SMOC2: variants seen among roughly 807,000 people sequenced by gnomAD.
SMOC2 encodes the protein SPARC-related modular calcium-binding protein 2.
Under a neutral mutation model 61.4 loss-of-function variants are expected in SMOC2, and 39 were observed. That is an observed-to-expected ratio of 0.64 (90% CI 0.49 to 0.83). The LOEUF (loss-of-function observed/expected upper bound fraction) is 0.83, where lower values mean the gene tolerates loss of function less well. Among genes scored for constraint, SMOC2 ranks in the 40% least tolerant of loss-of-function variants. The probability of loss-of-function intolerance (pLI) is 0.00; values close to 1 mark genes in which losing one functional copy is unlikely to be tolerated. For synonymous variants in SMOC2, 247 were observed against 239.9 expected, an observed-to-expected ratio of 1.03 and a Z score of -0.27; for missense variants, 556 against 592.9, an observed-to-expected ratio of 0.94 and a Z score of 0.65.
At chr6:168,539,434 C>T (rs1384480444) in intron 4 of SMOC2, among the ~76,000 whole-genome samples, 1 of 152,192 alleles carries the variant, frequency 6.6e-6, no homozygotes, top group East Asian at 1.9e-4. Flanking sequence ...CTTTTCCACC[C>T]TTCTCACCAC....
intron 1 of SMOC2, among the ~76,000 whole-genome samples, chr6:168,464,315 TCTC>T (rs750692874): frequency 3.3e-5 from 5 of 151,162 alleles, no homozygotes. Context: ...AGGAAGGAAA[TCTC>T]CTTCCACTTG....
rs1447529172 is a variant in SMOC2, at chr6:168,666,358, C to T, written c.1324-63C>T. On this transcript the variant is annotated intron_variant, in intron 12 of 12. Transcript: ENST00000356284. ...TCATTCCCAGAAGCCAAGCCTTAGT[C>T]TTCACAGATGAGCGACACACACCTC... The T allele has an allele frequency of 1.9e-6, 3 of 1,604,946 alleles. No individual in the cohort carries two copies. The African/African-American group carries it at 4.0e-5, about 21-fold the overall frequency.
In SMOC2 at chr6:168,591,900, CT is replaced by C. The variant is rs1270418612; in HGVS notation, c.638-6911del. ...GGGATTTTGTAATCATTCATTATTA[CT>C]TTTTTTCTGAATTATTTCCAGAATT... On this transcript the variant is annotated intron_variant, in intron 7 of 12. Transcript: ENST00000356284. Among the ~76,000 whole-genome samples, 8 of 152,118 alleles carry C rather than the reference CT, an allele frequency of 5.3e-5. No homozygotes were observed. In the East Asian group the frequency reaches 1.2e-3, roughly 22 times the overall value.
chr6:168,513,943 G>A (rs1005345279), intron 2 of SMOC2, among the ~76,000 whole-genome samples: 7 of 152,194 alleles, frequency 4.6e-5, no homozygotes, highest in African/African-American at 7.2e-5. Flanking sequence ...CCTGTCTTCA[G>A]ACTCTCCTAT....
At chr6:168,664,572 A>T in intron 12 of SMOC2, 1 of 386,234 alleles carries the variant, frequency 2.6e-6, no homozygotes, top group South Asian at 2.0e-5. Flanking sequence ...TTTGTCAGGG[A>T]GGTTGCAGGA....
chr6:168,569,340 T>C (rs1306935440), intron 7 of SMOC2, among the ~76,000 whole-genome samples: 1 of 152,240 alleles, frequency 6.6e-6, no homozygotes, highest in African/African-American at 2.4e-5. Context: ...TGATAGGGTG[T>C]CGGTTCAGAT....
rs1275940137 is a variant in SMOC2 at position 168,659,529 on chromosome 6, AGGATGGAGGTTGTTGGC to A, written c.1286-4544_1286-4528del. On this transcript the variant is annotated intron_variant, in intron 11 of 12. Transcript: ENST00000356284. ...GAGGGTGGAGGTTGTAGGTTGGGTG[AGGATGGAGGTTGTTGGC>A]TGGGTGAGGATGGAGGTTGTAGGTT... Among the ~76,000 whole-genome samples the A allele has an allele frequency of 3.9e-4, 56 of 144,986 alleles. 1 individual carries two copies. Among genetic ancestry groups the A allele is most frequent in the African/African-American group, 1.1e-3 (42 of 38,908 alleles).
intron 2 of SMOC2, among the ~76,000 whole-genome samples, chr6:168,518,237 C>G (rs915937425): frequency 6.6e-6 from 1 of 152,240 alleles, no homozygotes; most frequent in Non-Finnish European, 1.5e-5. Context: ...GTTCATTTTC[C>G]TCAGAGAACG....
chr6:168,472,358 A>G (rs1162028015), intron 1 of SMOC2, among the ~76,000 whole-genome samples: 1 of 151,842 alleles, frequency 6.6e-6, no homozygotes, highest in Non-Finnish European at 1.5e-5. Context: ...ATTTGCCTGT[A>G]TATGTAAGAG....
chr6:168,604,738 C>T (rs9364471), intron 8 of SMOC2, among the ~76,000 whole-genome samples: 25,714 of 152,118 alleles, frequency 0.17, 2,347 homozygotes, highest in East Asian at 0.32. Flanking sequence ...CTCTCTTATC[C>T]TCATGTCACC....
chr6:168,598,708 T>C, intron 7 of SMOC2, 110 bp from the exon 8 acceptor site: 1 of 1,275,578 alleles, frequency 7.8e-7, no homozygotes, highest in Non-Finnish European at 1.1e-6. Flanking sequence ...TGCTCCGGGG[T>C]GAAGGAGGAC....
At chr6:168,658,304 C>T (rs1341552069) in intron 11 of SMOC2, among the ~76,000 whole-genome samples, 4 of 152,224 alleles carry the variant, frequency 2.6e-5, no homozygotes, top group African/African-American at 9.7e-5. Flanking sequence ...GTGGCTCCTC[C>T]TCTGTTACGG....
intron 9 of SMOC2, among the ~76,000 whole-genome samples, chr6:168,644,644 C>CTTTTTTT (rs34203137): frequency 1.0e-5 from 1 of 99,488 alleles, no homozygotes; most frequent in Admixed American, 1.3e-4. Flanking sequence ...GAATGCCTTT[C>CTTTTTTT]TTTTTTTTTT....
intron 4 of SMOC2, among the ~76,000 whole-genome samples, chr6:168,532,122 G>A (rs75720683): frequency 0.016 from 2,434 of 152,296 alleles, 61 homozygotes; most frequent in African/African-American, 0.055. Flanking sequence ...ATGTCGACCT[G>A]TGGGATCTGT....
chr6:168,597,778 C>CA (rs1785369176), intron 7 of SMOC2, among the ~76,000 whole-genome samples: 3 of 152,224 alleles, frequency 2.0e-5, no homozygotes, highest in Non-Finnish European at 2.9e-5. Flanking sequence ...CGTGTTCCTG[C>CA]TGCAGCCAAC....
At chr6:168,459,869 G>C (rs1161951684) in intron 1 of SMOC2, among the ~76,000 whole-genome samples, 1 of 152,068 alleles carries the variant, frequency 6.6e-6, no homozygotes, top group African/African-American at 2.4e-5. Flanking sequence ...TGAGCCCGGG[G>C]GTGGGTGAGA....
At chr6:168,510,222 A>G in intron 2 of SMOC2, 136 bp downstream of exon 2, 1 of 738,728 alleles carries the variant, frequency 1.4e-6, no homozygotes, top group Non-Finnish European at 2.1e-6. Flanking sequence ...ACAGCATGTA[A>G]GGAAGAAGAG....
chr6:168,474,562 T>C (rs1004070609), intron 1 of SMOC2, among the ~76,000 whole-genome samples: 1 of 152,122 alleles, frequency 6.6e-6, no homozygotes, highest in Admixed American at 6.5e-5. Context: ...GTCCCTGCCT[T>C]TAAATACTAT....
At chr6:168,470,887 A>G (rs973282091) in intron 1 of SMOC2, among the ~76,000 whole-genome samples, 5 of 152,172 alleles carry the variant, frequency 3.3e-5, no homozygotes, top group South Asian at 2.1e-4. Context: ...ATAATTAAAG[A>G]GAAGTATAGA....
Sources: gnomAD v4.1 joint callset for allele counts (sites outside exome capture counted in the v4.1 genomes callset) on GRCh38, gnomAD v4.1.1 for gene constraint, MANE v1.5 for transcripts, NCBI Gene and HGNC (gene_info 2026-07-23, HGNC 2026-07-21) for gene names.